The following NRXN3 variants were observed in gnomAD, a reference collection of about 807,000 sequenced individuals.
The protein encoded by NRXN3 is neurexin 3.
In NRXN3, 32 loss-of-function variants were observed where a neutral mutation model predicts 137.6. That is an observed-to-expected ratio of 0.23 (90% CI 0.18 to 0.31). NRXN3 has a LOEUF of 0.31. Ranked by LOEUF, NRXN3 falls within the 10% of genes least tolerant of loss-of-function variation. NRXN3 has a pLI of 1.00. For missense variants in NRXN3, 1,574 were observed against 2,062.5 expected (o/e 0.76, Z 4.59); for synonymous variants, 798 against 784.5 (o/e 1.02, Z -0.29).
At chr14:79,318,885 C>T (rs1174155765) in intron 15 of NRXN3, among the ~76,000 whole-genome samples, 1 of 152,156 alleles carries the variant, frequency 6.6e-6, no homozygotes, top group African/African-American at 2.4e-5. Flanking sequence ...TGGCTGCAGA[C>T]TCTCTAAGTA....
intron 15 of NRXN3, among the ~76,000 whole-genome samples, chr14:79,134,833 C>T (rs1279143033): frequency 6.6e-6 from 1 of 152,134 alleles, no homozygotes; most frequent in Non-Finnish European, 1.5e-5. Flanking sequence ...CTGTCTTTCC[C>T]AGACTGATTC....
At chr14:79,126,680 G>T (rs1277333642) in intron 15 of NRXN3, among the ~76,000 whole-genome samples, 4 of 151,840 alleles carry the variant, frequency 2.6e-5, no homozygotes, top group African/African-American at 9.7e-5. Context: ...AGTCCTTTGG[G>T]TATATACCCA....
At chr14:79,532,309 A>G (rs57281369) in intron 16 of NRXN3, among the ~76,000 whole-genome samples, 4,286 of 152,306 alleles carry the variant, frequency 0.028, 215 homozygotes, top group African/African-American at 0.098. Flanking sequence ...ATTAAATTTC[A>G]TATATAAATA....
intron 10 of NRXN3, among the ~76,000 whole-genome samples, chr14:78,936,562 A>T (rs1462447942): frequency 6.6e-6 from 1 of 152,196 alleles, no homozygotes; most frequent in East Asian, 1.9e-4. Flanking sequence ...GCCATGAGAA[A>T]ACTTTTGAGG....
At chr14:79,432,688 A>G (rs2095782579) in intron 15 of NRXN3, among the ~76,000 whole-genome samples, 1 of 152,156 alleles carries the variant, frequency 6.6e-6, no homozygotes. Flanking sequence ...ATAAGGTTTT[A>G]GTGATAATAC....
At chr14:79,408,015 G>A (rs11159408) in intron 15 of NRXN3, among the ~76,000 whole-genome samples, 46,663 of 152,030 alleles carry the variant, frequency 0.31, 7,953 homozygotes, top group Middle Eastern at 0.52. Flanking sequence ...AATATAATTC[G>A]GGATTTGCAG....
rs1453547105 is a variant in NRXN3, at chr14:78,481,899, C to G, written c.758-163221C>G. On this transcript the variant is annotated intron_variant, in intron 4 of 20. Coordinates refer to ENST00000335750, the MANE Select transcript of NRXN3 (RefSeq NM_001330195.2). The stretch of plus-strand genomic sequence containing the variant: ...AGGAAATATTTATTTCTTGAACTTC[C>G]CCTTATTTTTTAGGGTATCTCCCCA... 3.3e-5 allele frequency among the ~76,000 whole-genome samples: 5 copies of G among 152,006 alleles called. No homozygotes were observed. The East Asian group carries it at 5.8e-4, about 18-fold the overall frequency.
At chr14:78,327,992 T>C (rs564352446) in intron 4 of NRXN3, among the ~76,000 whole-genome samples, 1 of 152,252 alleles carries the variant, frequency 6.6e-6, no homozygotes, top group South Asian at 2.1e-4. Context: ...CTAGTGCTTT[T>C]CCTCTATCCT....
intron 1 of NRXN3, among the ~76,000 whole-genome samples, chr14:78,226,018 T>TGTGTGTG (rs2064606922): frequency 6.8e-6 from 1 of 146,266 alleles, no homozygotes. Context: ...TGTGTGTGTG[T>TGTGTGTG]TTTGAGATGG....
At chr14:78,933,820 A>G (rs1018328676) in intron 10 of NRXN3, among the ~76,000 whole-genome samples, 1 of 152,176 alleles carries the variant, frequency 6.6e-6, no homozygotes, top group Non-Finnish European at 1.5e-5. Flanking sequence ...AATACAGTAT[A>G]TCATCATTAA....
chr14:79,107,339 G>A (rs1276162607), intron 15 of NRXN3, among the ~76,000 whole-genome samples: 2 of 152,132 alleles, frequency 1.3e-5, no homozygotes, highest in African/African-American at 4.8e-5. Context: ...CATGTGATGA[G>A]TATGTGAACT....
chr14:79,372,023 A>G (rs2094126008), intron 15 of NRXN3, among the ~76,000 whole-genome samples: 1 of 152,164 alleles, frequency 6.6e-6, no homozygotes, highest in Non-Finnish European at 1.5e-5. Flanking sequence ...TTGTTGAACA[A>G]TTTATATGCT....
intron 19 of NRXN3, among the ~76,000 whole-genome samples, chr14:79,790,738 A>G (rs1742080814): frequency 1.3e-5 from 2 of 149,540 alleles, no homozygotes; most frequent in African/African-American, 5.0e-5. Context: ...CTCCTGCCTC[A>G]GCCACCCGAG....
intron 6 of NRXN3, among the ~76,000 whole-genome samples, chr14:78,682,702 T>C (rs996945230): frequency 6.9e-6 from 1 of 145,872 alleles, no homozygotes; most frequent in Non-Finnish European, 1.5e-5. Context: ...GTGGATGGGA[T>C]GGGGTTTGGG....
intron 20 of NRXN3, among the ~76,000 whole-genome samples, chr14:79,840,572 G>A (rs2099353865): frequency 6.6e-6 from 1 of 152,056 alleles, no homozygotes; most frequent in Admixed American, 6.6e-5. Flanking sequence ...GGTGAAGGGT[G>A]GCACTGTATT....
At chr14:78,914,226 T>C (rs1003337253) in intron 10 of NRXN3, among the ~76,000 whole-genome samples, 2 of 152,198 alleles carry the variant, frequency 1.3e-5, no homozygotes, top group Non-Finnish European at 2.9e-5. Flanking sequence ...AGGAAGATGA[T>C]TGCATCCATC....
At chr14:79,586,917 T>C (rs1181925009) in intron 16 of NRXN3, among the ~76,000 whole-genome samples, 2 of 152,332 alleles carry the variant, frequency 1.3e-5, no homozygotes, top group Admixed American at 6.5e-5. Context: ...CTAATAATAG[T>C]AGTTACAGGC....
At chr14:78,487,137 A>AT (rs976843862) in intron 4 of NRXN3, among the ~76,000 whole-genome samples, 3 of 152,038 alleles carry the variant, frequency 2.0e-5, no homozygotes, top group Non-Finnish European at 4.4e-5. Context: ...GATATGAGCT[A>AT]TTTTTTTACT....
chr14:78,871,847 T>C (rs2152567449), intron 10 of NRXN3, among the ~76,000 whole-genome samples: 1 of 152,272 alleles, frequency 6.6e-6, no homozygotes, highest in Middle Eastern at 3.4e-3. Context: ...CTGTTGTCCT[T>C]TGGCTGTATT....
Sources: gnomAD v4.1 joint callset for allele counts (sites outside exome capture counted in the v4.1 genomes callset) on GRCh38, gnomAD v4.1.1 for gene constraint, MANE v1.5 for transcripts, NCBI Gene and HGNC (gene_info 2026-07-23, HGNC 2026-07-21) for gene names.